Variants in RALGDS observed in about 807,000 individuals in gnomAD.
The protein encoded by RALGDS is ral guanine nucleotide exchange factor.
Under a neutral mutation model 99.8 loss-of-function variants are expected in RALGDS, and 44 were observed. That is an observed-to-expected ratio of 0.44 (90% CI 0.35 to 0.57). RALGDS has a LOEUF of 0.57. Ranked by LOEUF, RALGDS falls within the 20% of genes least tolerant of loss-of-function variation. The pLI is 0.01. For missense variants in RALGDS, 1,022 were observed against 1,203.1 expected (o/e 0.85, Z 2.23); for synonymous variants, 529 against 505.0 (o/e 1.05, Z -0.64).
At chr9:133,100,242 C>T in intron 17 of RALGDS, 26 bp downstream of exon 17, 1 of 1,604,506 alleles carries the variant, frequency 6.2e-7, no homozygotes, top group East Asian at 2.2e-5. Flanking sequence ...CCCCCTCTGC[C>T]ATCGCCCTCT....
At chr9:133,099,973 C>A in intron 17 of RALGDS, 3 of 475,876 alleles carry the variant, frequency 6.3e-6, no homozygotes, top group South Asian at 4.4e-5. Flanking sequence ...AGAAAGAGTC[C>A]CTTCCAGTGG....
chr9:133,134,264 C>A (rs899164929), upstream of RALGDS, among the ~76,000 whole-genome samples: 1 of 152,184 alleles, frequency 6.6e-6, no homozygotes, highest in East Asian at 1.9e-4. Context: ...CTCCCAGGGA[C>A]GGGGGCATCA....
chr9:133,126,315 C>T (rs1012369397), intron 1 of RALGDS, among the ~76,000 whole-genome samples: 3 of 152,170 alleles, frequency 2.0e-5, no homozygotes, highest in Non-Finnish European at 2.9e-5. Flanking sequence ...GAAGTCGGGA[C>T]GCTGCTCGCA....
chr9:133,124,141 CACACACAGAGACACAT>C (rs1438991934), upstream of RALGDS, among the ~76,000 whole-genome samples: 228 of 136,832 alleles, frequency 1.7e-3, no homozygotes, highest in Middle Eastern at 4.1e-3. Context: ...CACAGACACA[CACACACAGAGACACAT>C]ACATAGAGAC....
Position 133,126,561 on chromosome 9 carries a change from C to A in RALGDS, c.132+4391G>T, listed in dbSNP as rs149403227. On this transcript the variant is annotated intron_variant, in intron 1 of 17. Coordinates refer to the RALGDS transcript ENST00000372062. ...GCTGACTGCAGCTGCCCCCTGTAGCCAGGGCATGTGTGGGGACTGCTCTGA... is the reference window on the plus strand; with the variant it reads ...GCTGACTGCAGCTGCCCCCTGTAGCAAGGGCATGTGTGGGGACTGCTCTGA... 1.2e-3 allele frequency among the ~76,000 whole-genome samples: 188 copies of A among 152,340 alleles called. 1 individual carries two copies. The highest frequency in any genetic ancestry group is 4.3e-3 in the African/African-American group (178 of 41,578).
At chr9:133,100,874 T>C in intron 16 of RALGDS, 1 of 1,055,124 alleles carries the variant, frequency 9.5e-7, no homozygotes, top group Non-Finnish European at 1.1e-6. Flanking sequence ...GACTGCTTAA[T>C]GACAACCATG....
upstream of RALGDS, among the ~76,000 whole-genome samples, chr9:133,132,745 G>C (rs907368075): frequency 2.6e-5 from 4 of 152,084 alleles, no homozygotes; most frequent in African/African-American, 4.8e-5. Context: ...GTTCAAGCGA[G>C]TCTCCTGTCT....
At chr9:133,141,275 G>C (rs1459746518) in intron 1 of RALGDS, among the ~76,000 whole-genome samples, 1 of 152,218 alleles carries the variant, frequency 6.6e-6, no homozygotes. Context: ...CCACTGGGCA[G>C]TGTGGCCCCA....
At chr9:133,148,929 C>A (rs114994822) in intron 1 of RALGDS, 2 of 1,599,976 alleles carry the variant, frequency 1.3e-6, no homozygotes, top group Non-Finnish European at 1.7e-6. Flanking sequence ...CTCCCTCCAC[C>A]CGCGACGCGA....
At chr9:133,123,165 C>T (rs1428274022), upstream of RALGDS, among the ~76,000 whole-genome samples, 3 of 152,080 alleles carry the variant, frequency 2.0e-5, no homozygotes, top group Non-Finnish European at 2.9e-5. Flanking sequence ...AAGAGGTGAC[C>T]GAGACACTGC....
At chr9:133,115,491 C>T (rs73558451) in intron 1 of RALGDS, among the ~76,000 whole-genome samples, 4,205 of 152,258 alleles carry the variant, frequency 0.028, 198 homozygotes, top group African/African-American at 0.094. Flanking sequence ...GAGGTCACCC[C>T]GGGGTGCTTG....
chr9:133,121,266 A>C (rs934576405), upstream of RALGDS: 1 of 920,854 alleles, frequency 1.1e-6, no homozygotes, highest in Admixed American at 6.4e-5. Flanking sequence ...GGCCCTGCTG[A>C]TGTCAGGCTG....
chr9:133,114,369 C>T (rs559335970), intron 1 of RALGDS, among the ~76,000 whole-genome samples: 2 of 152,290 alleles, frequency 1.3e-5, no homozygotes, highest in South Asian at 4.1e-4. Context: ...ACCATCTGCT[C>T]AGATGGTGGA....
At chr9:133,100,971 A>G (rs1361913149) in intron 16 of RALGDS, 17 of 1,046,202 alleles carry the variant, frequency 1.6e-5, no homozygotes, top group Non-Finnish European at 2.0e-5. Flanking sequence ...GGGGGTTACA[A>G]ATGGTTCATC....
intron 2 of RALGDS, among the ~76,000 whole-genome samples, chr9:133,111,159 G>A (rs1831319631): frequency 2.0e-5 from 3 of 152,206 alleles, no homozygotes; most frequent in Admixed American, 1.3e-4. Flanking sequence ...CTGAGTAATG[G>A]TAGCTGCCCT....
chr9:133,146,752 T>TCA (rs970053797), intron 1 of RALGDS, among the ~76,000 whole-genome samples: 41 of 152,342 alleles, frequency 2.7e-4, no homozygotes, highest in African/African-American at 9.6e-4. Flanking sequence ...CCTTCACCCC[T>TCA]CACTCTGGGG....
intron 16 of RALGDS, 142 bp from the exon 17 acceptor site, chr9:133,100,524 A>AT: frequency 6.5e-7 from 1 of 1,544,044 alleles, no homozygotes; most frequent in Non-Finnish European, 8.7e-7. Context: ...GGGTCCGGAG[A>AT]GGGCCTTGTC....
At chr9:133,104,495 C>T (rs1379657756) in intron 9 of RALGDS, 164 bp from the exon 10 acceptor site, 3 of 666,066 alleles carry the variant, frequency 4.5e-6, no homozygotes, top group Admixed American at 4.4e-5. Context: ...AGCCTGCCTC[C>T]CCCTCTGGAA....
At position 133,144,586 on chromosome 9, in the gene RALGDS, A is replaced by G. The variant is rs1344504743; in HGVS notation, c.18+4377T>C. Reference sequence around the variant, plus strand: ...GCGCCGGGCTGGGCGGCCGCACGGGAGGGCACAGCGCCACCTGCTGGTGCT... The same window carrying G: ...GCGCCGGGCTGGGCGGCCGCACGGGGGGGCACAGCGCCACCTGCTGGTGCT... On this transcript the variant is annotated intron_variant, in intron 1 of 17. Transcript: ENST00000393160. The surrounding 1 kb of genome is among the most constrained non-coding windows in gnomAD (Gnocchi z 4.5). Among the ~76,000 whole-genome samples the G allele has an allele frequency of 2.0e-5, 3 of 152,158 alleles. No homozygotes were observed.
Sources: allele counts gnomAD v4.1 joint callset (sites outside exome capture counted in the v4.1 genomes callset), GRCh38; gene constraint gnomAD v4.1.1; non-coding constraint Gnocchi (gnomAD v3.1); transcripts MANE v1.5; gene names NCBI Gene and HGNC (gene_info 2026-07-23, HGNC 2026-07-21).